The following YARS1 variants were observed in gnomAD, a reference collection of about 807,000 sequenced individuals.
YARS1 encodes the protein tyrosyl-tRNA synthetase 1.
YARS1 carries 36 observed loss-of-function variants against 62.2 expected under a neutral mutation model. The observed-to-expected ratio is 0.58, with a 90% CI of 0.44 to 0.76. The LOEUF (loss-of-function observed/expected upper bound fraction) is 0.76. Among genes scored for constraint, YARS1 ranks in the 30% least tolerant of loss-of-function variants. The pLI is 0.00. For missense variants in YARS1, 524 were observed against 639.8 expected, an observed-to-expected ratio of 0.82 and a Z score of 1.95; for synonymous variants, 234 against 244.9, an observed-to-expected ratio of 0.96 and a Z score of 0.42.
At chr1:32,778,169 TGAG>T (rs1355793638) in intron 12 of YARS1, among the ~76,000 whole-genome samples, 1 of 152,188 alleles carries the variant, frequency 6.6e-6, no homozygotes, top group African/African-American at 2.4e-5. Context: ...GTTAGTTCCA[TGAG>T]GAGAGTCAAC....
At position 32,776,160 on chromosome 1, in the gene YARS1, GA is replaced by G. The variant is rs1652852683; in HGVS notation, c.1477-70del. 7.5e-7 allele frequency: 1 copy of G among 1,326,154 alleles called. No individual in the cohort carries two copies. The highest frequency in any genetic ancestry group is 1.5e-5 in the African/African-American group (1 of 68,844). 82.1% of individuals were successfully genotyped at this position (1,326,154 alleles called of 1,614,324 possible). A position where few individuals can be genotyped will look rare whatever the true frequency, so the allele number is the denominator to read the frequency against. ...CTGCAAGAAAACCCCCCCTTTTTTG[GA>G]GGGGGGGCAGAGTTTTGCTCTTGTT... On this transcript the variant is annotated intron_variant, in intron 12 of 12. Coordinates refer to ENST00000373477, the MANE Select transcript of YARS1 (RefSeq NM_003680.4). The surrounding 1 kb of genome is among the most constrained non-coding windows in gnomAD (Gnocchi z 4.0).
chr1:32,799,974 G>A (rs1653724379), intron 4 of YARS1, among the ~76,000 whole-genome samples: 1 of 151,910 alleles, frequency 6.6e-6, no homozygotes, highest in South Asian at 2.1e-4. Flanking sequence ...TGCAGAACTA[G>A]CATGTCTCCG....
At chr1:32,785,790 G>C (rs1312924870) in intron 8 of YARS1, among the ~76,000 whole-genome samples, 2 of 151,706 alleles carry the variant, frequency 1.3e-5, no homozygotes, top group African/African-American at 2.4e-5. Flanking sequence ...CTCCGTGTTG[G>C]TCAGGCTGGT....
intron 9 of YARS1, 182 bp from the exon 10 acceptor site, chr1:32,781,327 T>G (rs1653049994): frequency 3.1e-6 from 2 of 644,864 alleles, no homozygotes; most frequent in Admixed American, 2.2e-5. Context: ...ATACCTGATT[T>G]TCATCTGTTC....
At chr1:32,781,470 G>A (rs1236295879) in intron 9 of YARS1, 1 of 341,112 alleles carries the variant, frequency 2.9e-6, no homozygotes, top group Non-Finnish European at 5.6e-6. Context: ...TGTAATTCTA[G>A]CACTTTGGGA....
At chr1:32,809,051 G>C (rs1638523755) in intron 3 of YARS1, among the ~76,000 whole-genome samples, 1 of 152,018 alleles carries the variant, frequency 6.6e-6, no homozygotes, top group Non-Finnish European at 1.5e-5. Flanking sequence ...TAGATTCAAA[G>C]ATGTTCATAT....
At chr1:32,790,338 C>T (rs1365372988) in intron 6 of YARS1, among the ~76,000 whole-genome samples, 1 of 149,460 alleles carries the variant, frequency 6.7e-6, no homozygotes, top group Non-Finnish European at 1.5e-5. Flanking sequence ...GAAACCCCAT[C>T]TCTACTAAAA....
At position 32,786,941 on chromosome 1, in the gene YARS1, G is replaced by A. The variant is rs751067449; in HGVS notation, c.819C>T (p.Ser273=). Residue 273 remains serine, a splice_region_variant and synonymous_variant, in exon 7 of 13, where the codon TCC becomes TCT. Transcript: ENST00000373477. ...TAGGAAGAAAACAGAGAGTGTTACC[G>A]GACTTAAGGGGAAAAAGGACATGCT... ...FIKHVLFPLK[S]EFVILRDEKW... is the part of the protein sequence containing the mutation. The A allele has an allele frequency of 2.1e-5, 34 of 1,613,846 alleles. No homozygotes were observed. The highest frequency in any genetic ancestry group is 2.5e-5 in the Non-Finnish European group (30 of 1,179,978).
chr1:32,780,711 A>AG (rs1384087304), intron 10 of YARS1: 1 of 428,228 alleles, frequency 2.3e-6, no homozygotes, highest in African/African-American at 2.0e-5. Flanking sequence ...CACTTTCTGA[A>AG]GGGGGCAAAG....
chr1:32,805,551 T>C (rs148822701), intron 4 of YARS1, among the ~76,000 whole-genome samples: 4 of 152,342 alleles, frequency 2.6e-5, no homozygotes, highest in Non-Finnish European at 5.9e-5. Context: ...CTTCAAGAAC[T>C]TTCCCTATGG....
rs1653652277 is a variant in YARS1 at position 32,797,777 on chromosome 1, T to C, written c.577A>G (p.Thr193Ala). 1.2e-6 allele frequency: 2 copies of C among 1,614,002 alleles called. No individual in the cohort carries two copies. The highest frequency in any genetic ancestry group is 1.7e-6 in the Non-Finnish European group (2 of 1,179,994). Residue 193 changes from threonine to alanine, a missense_variant, in exon 5 of 13, where the codon ACC (threonine) becomes GCC (alanine). Coordinates refer to ENST00000373477, the MANE Select transcript of YARS1 (RefSeq NM_003680.4). ...CAGACACTCACCTTCTCTGCAAAGG[T>C]GAAAATCTTTCTCTGATCAATGCCT... ...FGGIDQRKIFTFAEKYLPALG... is the reference protein window; with the variant it reads ...FGGIDQRKIFAFAEKYLPALG...
At chr1:32,812,477 C>T (rs1638607749) in intron 1 of YARS1, among the ~76,000 whole-genome samples, 1 of 152,196 alleles carries the variant, frequency 6.6e-6, no homozygotes, top group Non-Finnish European at 1.5e-5. Context: ...AAGTATTTTA[C>T]CCCAAAAGAT....
intron 4 of YARS1, among the ~76,000 whole-genome samples, chr1:32,799,825 T>C (rs1362901332): frequency 3.9e-5 from 6 of 152,108 alleles, no homozygotes; most frequent in African/African-American, 1.2e-4. Flanking sequence ...TTTTTAGAGA[T>C]GGAGTCTCAC....
Position 32,804,369 on chromosome 1 carries a change from G to T in YARS1, c.510+2113C>A, listed in dbSNP as rs1288044741. On this transcript the variant is annotated intron_variant, in intron 4 of 12. Transcript: ENST00000373477. ...CGGACGGGGTGGCTGGCCGGGCGGGGGTTGCCCCCCACCTCCCTCCTGGAC... is the reference window on the plus strand; with the variant it reads ...CGGACGGGGTGGCTGGCCGGGCGGGTGTTGCCCCCCACCTCCCTCCTGGAC... 2.7e-5 allele frequency among the ~76,000 whole-genome samples: 4 copies of T among 149,032 alleles called. No homozygotes were observed. The East Asian group carries it at 6.1e-4, about 23-fold the overall frequency.
chr1:32,791,737 G>T (rs1056766672), intron 5 of YARS1, among the ~76,000 whole-genome samples: 3 of 152,142 alleles, frequency 2.0e-5, no homozygotes, highest in African/African-American at 7.2e-5. Flanking sequence ...GGGAGGCGGA[G>T]GTTGCAGTGA....
chr1:32,806,314 T>C (rs1047838160), intron 4 of YARS1, among the ~76,000 whole-genome samples, 168 bp downstream of exon 4: 3 of 152,312 alleles, frequency 2.0e-5, no homozygotes, highest in Middle Eastern at 6.8e-3. Context: ...GCACATGCTG[T>C]TGGAAAAATG....
chr1:32,779,840 T>A, intron 11 of YARS1: 1 of 614,552 alleles, frequency 1.6e-6, no homozygotes, highest in African/African-American at 1.8e-5. Context: ...TTACTAGTAG[T>A]AAGACTTGGG....
intron 10 of YARS1, 197 bp from the exon 11 acceptor site, chr1:32,780,475 G>A: frequency 3.2e-6 from 2 of 628,838 alleles, no homozygotes; most frequent in South Asian, 3.8e-5. Flanking sequence ...TCTCAACTGA[G>A]GCCAGATTTG....
intron 10 of YARS1, 131 bp downstream of exon 10, chr1:32,780,917 G>C (rs12126642): frequency 2.4e-6 from 2 of 822,318 alleles, no homozygotes; most frequent in African/African-American, 3.4e-5. Context: ...CCTGGAATTA[G>C]ACACCTGCAC....
Sources: gnomAD v4.1 joint callset for allele counts (sites outside exome capture counted in the v4.1 genomes callset) on GRCh38, gnomAD v4.1.1 for gene constraint, Gnocchi (gnomAD v3.1) non-coding constraint, MANE v1.5 for transcripts, NCBI Gene and HGNC (gene_info 2026-07-23, HGNC 2026-07-21) for gene names.